ATP10A: variants seen among roughly 807,000 people sequenced by gnomAD.
The protein encoded by ATP10A is phospholipid-transporting ATPase VA.
Under a neutral mutation model 147.8 loss-of-function variants are expected in ATP10A, and 111 were observed. That is an observed-to-expected ratio of 0.75 (90% CI 0.64 to 0.88). The LOEUF is 0.88. ATP10A is among the 40% of genes least tolerant of loss of function. The pLI, the probability that ATP10A is intolerant of heterozygous loss-of-function variation, is 0.00. For synonymous variants in ATP10A, 875 were observed against 841.6 expected, an observed-to-expected ratio of 1.04 and a Z score of -0.69; for missense variants, 1,927 against 1,959.0, an observed-to-expected ratio of 0.98 and a Z score of 0.31.
At chr15:25,855,061 C>CAAAAAAAAAAAAAAAACAAAAAAAA (rs1893451712) in intron 1 of ATP10A, among the ~76,000 whole-genome samples, 1 of 66,004 alleles carries the variant, frequency 1.5e-5, no homozygotes. Flanking sequence ...CTCCGTCTCA[C>CAAAAAAAAAAAAAAAACAAAAAAAA]AAAAAAAAAA....
At chr15:25,773,544 G>C (rs144464185) in intron 2 of ATP10A, among the ~76,000 whole-genome samples, 9 of 152,084 alleles carry the variant, frequency 5.9e-5, no homozygotes, top group Admixed American at 1.3e-4. Context: ...GCTCACAGCA[G>C]GTCCTCAATA....
intron 1 of ATP10A, among the ~76,000 whole-genome samples, chr15:25,857,965 T>G (rs1339469176): frequency 6.6e-6 from 1 of 151,880 alleles, no homozygotes; most frequent in Admixed American, 6.6e-5. Flanking sequence ...TTGGCTCATA[T>G]TAACAAGTAA....
At chr15:25,726,224 T>A in intron 4 of ATP10A, 142 bp from the exon 5 acceptor site, 1 of 826,920 alleles carries the variant, frequency 1.2e-6, no homozygotes, top group Non-Finnish European at 1.8e-6. Flanking sequence ...GGTTTAAAAT[T>A]AATCTTACTT....
downstream of ATP10A, among the ~76,000 whole-genome samples, chr15:25,674,265 A>T (rs1899095726): frequency 6.6e-6 from 1 of 152,188 alleles, no homozygotes; most frequent in African/African-American, 2.4e-5. Context: ...GTGTTTTCCA[A>T]ACAGAATAAC....
chr15:25,849,269 G>A (rs1047642235), intron 1 of ATP10A, among the ~76,000 whole-genome samples: 12 of 152,170 alleles, frequency 7.9e-5, no homozygotes, highest in African/African-American at 2.4e-4. Context: ...GCTTGCACAC[G>A]TAAGGCATGC....
chr15:25,679,833 G>A lies in ATP10A; in HGVS notation c.4008C>T (p.Thr1336=), dbSNP rs114736146. The A allele has an allele frequency of 9.2e-5, 149 of 1,611,644 alleles. No homozygotes were observed. Among genetic ancestry groups the A allele is most frequent in the Middle Eastern group, 6.6e-4 (4 of 6,056 alleles). Residue 1336 remains threonine (T), a synonymous_variant, in exon 21 of 21, where the codon ACC becomes ACT. Transcript: ENST00000555815. ...AQGRLPKDSG[T]EHSSGRTVKT... ...TGACTGTCCTCCCTGATGAGTGCTC[G>A]GTTCCCGAGTCCTTCGGGAGGCGTC...
intron 3 of ATP10A, among the ~76,000 whole-genome samples, chr15:25,730,301 CAAAAAAAAAAAAAAAAAAA>C (rs763070472): frequency 0.091 from 831 of 9,180 alleles, 17 homozygotes; most frequent in African/African-American, 0.17. Flanking sequence ...GACTCTGTCT[CAAAAAAAAAAAAAAAAAAA>C]AAAAAAAAGA....
intron 7 of ATP10A, 123 bp downstream of exon 7, chr15:25,721,534 T>A: frequency 7.7e-7 from 1 of 1,297,538 alleles, no homozygotes; most frequent in Non-Finnish European, 1.1e-6. Context: ...AAATCAGTAA[T>A]CCCTGAAGCG....
At chr15:25,830,007 G>A (rs1278999340) in intron 1 of ATP10A, among the ~76,000 whole-genome samples, 4 of 152,160 alleles carry the variant, frequency 2.6e-5, no homozygotes, top group Admixed American at 6.5e-5. Flanking sequence ...GGAGGCAGGA[G>A]GTGGTTAGGG....
intron 10 of ATP10A, chr15:25,709,601 C>T (rs375048309): frequency 1.3e-5 from 2 of 152,246 alleles, no homozygotes; most frequent in African/African-American, 4.8e-5. Context: ...GTGCCCCAGA[C>T]GAGGAGACGG....
intron 2 of ATP10A, among the ~76,000 whole-genome samples, chr15:25,762,332 A>G (rs1329268579): frequency 6.6e-6 from 1 of 152,202 alleles, no homozygotes; most frequent in African/African-American, 2.4e-5. Flanking sequence ...ACAGGAACGC[A>G]GTGGCACAAT....
At chr15:25,697,517 T>C (rs1055984480) in intron 13 of ATP10A, among the ~76,000 whole-genome samples, 18 of 152,112 alleles carry the variant, frequency 1.2e-4, no homozygotes, top group African/African-American at 3.9e-4. Context: ...AAAACAGCCA[T>C]TATCCAAAAG....
At chr15:25,701,656 T>C (rs1255333077) in intron 13 of ATP10A, among the ~76,000 whole-genome samples, 1 of 152,182 alleles carries the variant, frequency 6.6e-6, no homozygotes, top group Non-Finnish European at 1.5e-5. Flanking sequence ...AGAAAGTTCT[T>C]TGATGACTTG....
At chr15:25,756,748 T>C (rs1888437320) in intron 2 of ATP10A, among the ~76,000 whole-genome samples, 1 of 152,210 alleles carries the variant, frequency 6.6e-6, no homozygotes, top group Non-Finnish European at 1.5e-5. Flanking sequence ...CCACATTACC[T>C]GGGTAAATCT....
At chr15:25,779,115 G>A (rs1050546353) in intron 2 of ATP10A, among the ~76,000 whole-genome samples, 1 of 152,166 alleles carries the variant, frequency 6.6e-6, no homozygotes, top group Non-Finnish European at 1.5e-5. Flanking sequence ...GACCTCAAGT[G>A]ATCCACCCGC....
intron 1 of ATP10A, among the ~76,000 whole-genome samples, chr15:25,814,772 C>T (rs1891578785): frequency 6.6e-6 from 1 of 152,122 alleles, no homozygotes; most frequent in African/African-American, 2.4e-5. Context: ...TTTGGGAAGT[C>T]ATTTGGCGTA....
chr15:25,687,910 A>G lies in ATP10A; in HGVS notation c.3166-82T>C, dbSNP rs1427513814. The G allele has an allele frequency of 3.1e-6, 5 of 1,588,652 alleles. No homozygotes were observed. The African/African-American group carries it at 6.7e-5, about 21-fold the overall frequency. The stretch of plus-strand genomic sequence containing the variant: ...CTTCTCTTCTCAAAATGCAAGGTAC[A>G]CAACAGGGAAGGAAAATCCCCATTC... On this transcript the variant is annotated intron_variant, in intron 15 of 20. Transcript: ENST00000555815.
chr15:25,698,949 AC>A (rs1313316349), intron 13 of ATP10A, among the ~76,000 whole-genome samples: 1 of 152,134 alleles, frequency 6.6e-6, no homozygotes, highest in Non-Finnish European at 1.5e-5. Context: ...ATAAAAGAAG[AC>A]CTAAAAAATG....
intron 3 of ATP10A, among the ~76,000 whole-genome samples, chr15:25,731,445 T>C (rs1048004688): frequency 3.9e-5 from 6 of 152,194 alleles, no homozygotes; most frequent in Non-Finnish European, 4.4e-5. Flanking sequence ...GAATTTTACA[T>C]TGGATGACCA....
Sources: gnomAD v4.1 joint callset for allele counts (sites outside exome capture counted in the v4.1 genomes callset) on GRCh38, gnomAD v4.1.1 for gene constraint, MANE v1.5 for transcripts, NCBI Gene and HGNC (gene_info 2026-07-23, HGNC 2026-07-21) for gene names.